The following DCC variants were observed in gnomAD, a reference collection of about 807,000 sequenced individuals.
DCC encodes DCC netrin 1 receptor, also known as netrin receptor DCC.
DCC carries 58 observed loss-of-function variants against 172.5 expected under a neutral mutation model. That is an observed-to-expected ratio of 0.34 (90% CI 0.27 to 0.42). The LOEUF is 0.42. Ranked by LOEUF, DCC falls within the 10% of genes least tolerant of loss-of-function variation. DCC has a pLI of 1.00. For synonymous variants in DCC, 709 were observed against 644.5 expected, an observed-to-expected ratio of 1.10 and a Z score of -1.52; for missense variants, 1,740 against 1,791.0, an observed-to-expected ratio of 0.97 and a Z score of 0.51.
At chr18:53,017,981 A>G (rs1235857990) in intron 5 of DCC, among the ~76,000 whole-genome samples, 1 of 152,164 alleles carries the variant, frequency 6.6e-6, no homozygotes, top group Non-Finnish European at 1.5e-5. Flanking sequence ...CAATGCACCA[A>G]CACAATCTGC....
At chr18:52,494,264 A>ATGTGTGTG (rs10633986) in intron 1 of DCC, among the ~76,000 whole-genome samples, 29 of 147,536 alleles carry the variant, frequency 2.0e-4, no homozygotes, top group Admixed American at 4.7e-4. Flanking sequence ...ATGGTTTGTG[A>ATGTGTGTG]TGTGTGTGTG....
chr18:52,548,226 G>A (rs1412211703), intron 1 of DCC, among the ~76,000 whole-genome samples: 2 of 152,184 alleles, frequency 1.3e-5, no homozygotes, highest in Non-Finnish European at 2.9e-5. Context: ...CCATGATTAT[G>A]CAGGCAACAC....
intron 3 of DCC, among the ~76,000 whole-genome samples, chr18:52,921,001 G>A (rs1248358834): frequency 2.0e-5 from 3 of 152,118 alleles, no homozygotes; most frequent in Non-Finnish European, 4.4e-5. Flanking sequence ...AATGATCAGT[G>A]GTTGCCTGGA....
chr18:53,317,570 T>A (rs2057358900), intron 13 of DCC, among the ~76,000 whole-genome samples: 1 of 152,170 alleles, frequency 6.6e-6, no homozygotes, highest in Non-Finnish European at 1.5e-5. Context: ...GCTCATCGTT[T>A]TACCTGTGGT....
At chr18:53,057,668 T>A (rs1167224792) in intron 5 of DCC, among the ~76,000 whole-genome samples, 1 of 152,126 alleles carries the variant, frequency 6.6e-6, no homozygotes, top group Non-Finnish European at 1.5e-5. Flanking sequence ...ATGAAGCTTT[T>A]CTCTGAAATG....
At chr18:53,145,704 C>G (rs1449272556) in intron 7 of DCC, among the ~76,000 whole-genome samples, 1 of 152,006 alleles carries the variant, frequency 6.6e-6, no homozygotes, top group East Asian at 1.9e-4. Flanking sequence ...TCATTGAGTT[C>G]CAAATTCTGT....
At chr18:52,373,721 C>G (rs958538474) in intron 1 of DCC, among the ~76,000 whole-genome samples, 7 of 151,974 alleles carry the variant, frequency 4.6e-5, no homozygotes, top group African/African-American at 1.5e-4. Context: ...CTGAATAATG[C>G]CCTCAGTCAA....
intron 3 of DCC, among the ~76,000 whole-genome samples, chr18:52,907,468 A>G (rs1185427143): frequency 6.6e-6 from 1 of 152,026 alleles, no homozygotes; most frequent in Non-Finnish European, 1.5e-5. Context: ...CCCAGGCTGA[A>G]TGCAGTGGTG....
intron 7 of DCC, among the ~76,000 whole-genome samples, chr18:53,123,491 A>C (rs1008582550): frequency 1.3e-5 from 2 of 152,100 alleles, no homozygotes; most frequent in East Asian, 3.9e-4. Flanking sequence ...TAAGGCCTCA[A>C]ATCTGAGCTC....
At chr18:52,990,167 A>G (rs1236497343) in intron 5 of DCC, among the ~76,000 whole-genome samples, 2 of 152,162 alleles carry the variant, frequency 1.3e-5, no homozygotes, top group Non-Finnish European at 2.9e-5. Context: ...GAACCCAGAG[A>G]TGCTAATTCC....
chr18:52,604,198 C>G (rs2034081811), intron 1 of DCC, among the ~76,000 whole-genome samples: 1 of 152,078 alleles, frequency 6.6e-6, no homozygotes, highest in African/African-American at 2.4e-5. Context: ...ATTTGATGCT[C>G]TCGGTATTCT....
At chr18:52,701,299 C>T (rs932208236) in intron 1 of DCC, among the ~76,000 whole-genome samples, 1 of 152,092 alleles carries the variant, frequency 6.6e-6, no homozygotes, top group Admixed American at 6.5e-5. Flanking sequence ...TGAACGATAG[C>T]AATAACTTCT....
intron 2 of DCC, among the ~76,000 whole-genome samples, chr18:52,854,170 A>G (rs1295278006): frequency 1.3e-5 from 2 of 152,246 alleles, no homozygotes; most frequent in Admixed American, 1.3e-4. Context: ...TGGAAAGCAC[A>G]GTTAACACTG....
chr18:52,869,457 G>A (rs1363266251), intron 2 of DCC, among the ~76,000 whole-genome samples: 1 of 152,166 alleles, frequency 6.6e-6, no homozygotes, highest in Non-Finnish European at 1.5e-5. Context: ...GGCCATAGGT[G>A]GGCCTGGAAA....
intron 6 of DCC, among the ~76,000 whole-genome samples, chr18:53,065,534 C>T (rs2042553301): frequency 6.6e-6 from 1 of 152,128 alleles, no homozygotes; most frequent in African/African-American, 2.4e-5. Flanking sequence ...ATGTCAAAGC[C>T]ATCACAATAT....
chr18:52,917,304 G>A lies in DCC; in HGVS notation c.698-6403G>A, dbSNP rs559026551. Among the ~76,000 whole-genome samples the A allele has an allele frequency of 2.7e-4, 41 of 152,194 alleles. No individual in the cohort carries two copies. The South Asian group carries it at 7.1e-3, about 26-fold the overall frequency. On this transcript the variant is annotated intron_variant, in intron 3 of 28. Transcript: ENST00000442544. ...ACTGCAACCCAGCCTGGGCAACAGA[G>A]CGAGACAGACTCTGTTTCAAAAAGA...
intron 1 of DCC, among the ~76,000 whole-genome samples, chr18:52,731,040 C>A (rs1348968267): frequency 6.6e-6 from 1 of 152,076 alleles, no homozygotes; most frequent in African/African-American, 2.4e-5. Context: ...AATTTTCTGC[C>A]TTTTGTTTTC....
At chr18:52,508,860 A>G (rs2031329304) in intron 1 of DCC, among the ~76,000 whole-genome samples, 1 of 152,224 alleles carries the variant, frequency 6.6e-6, no homozygotes, top group East Asian at 1.9e-4. Flanking sequence ...AGGGAAGAAG[A>G]TGATGACAGA....
intron 2 of DCC, among the ~76,000 whole-genome samples, chr18:52,879,681 C>T (rs1296793860): frequency 6.6e-6 from 1 of 151,984 alleles, no homozygotes; most frequent in African/African-American, 2.4e-5. Context: ...CTGCTCACCT[C>T]AGCCTCTCAA....
Sources: allele counts gnomAD v4.1 joint callset (sites outside exome capture counted in the v4.1 genomes callset), GRCh38; gene constraint gnomAD v4.1.1; transcripts MANE v1.5; gene names NCBI Gene and HGNC (gene_info 2026-07-23, HGNC 2026-07-21).